Variants in LAMA2 observed in about 807,000 individuals in gnomAD.
LAMA2 encodes the protein laminin subunit alpha-2.
In LAMA2, 269 loss-of-function variants were observed where a neutral mutation model predicts 364.8. That is an observed-to-expected ratio of 0.74 (90% CI 0.67 to 0.82). LAMA2 has a LOEUF of 0.82. LAMA2 is among the 40% of genes least tolerant of loss of function. LAMA2 has a pLI of 0.00. For missense variants in LAMA2, 3,807 were observed against 3,873.2 expected, an observed-to-expected ratio of 0.98 and a Z score of 0.45; for synonymous variants, 1,379 against 1,370.6, an observed-to-expected ratio of 1.01 and a Z score of -0.14.
At chr6:129,183,151 C>T (rs778764441) in intron 10 of LAMA2, among the ~76,000 whole-genome samples, 4 of 151,914 alleles carry the variant, frequency 2.6e-5, no homozygotes, top group South Asian at 2.1e-4. Flanking sequence ...ATTTCTCTCA[C>T]GAATTACAAG....
At chr6:129,317,836 T>C (rs1219913733) in intron 27 of LAMA2, among the ~76,000 whole-genome samples, 2 of 152,270 alleles carry the variant, frequency 1.3e-5, no homozygotes, top group Admixed American at 1.3e-4. Flanking sequence ...GTCATTCATC[T>C]TTAATTATAC....
chr6:129,264,750 C>T (rs1272606147), intron 15 of LAMA2, among the ~76,000 whole-genome samples: 2 of 151,986 alleles, frequency 1.3e-5, no homozygotes, highest in Admixed American at 1.3e-4. Context: ...TCAGCTAGGC[C>T]CAAGGCTGAT....
At chr6:129,030,337 C>T (rs1376093511) in intron 1 of LAMA2, among the ~76,000 whole-genome samples, 1 of 151,980 alleles carries the variant, frequency 6.6e-6, no homozygotes, top group Non-Finnish European at 1.5e-5. Context: ...GGGTCCTTGA[C>T]TATGTTGTTC....
intron 37 of LAMA2, among the ~76,000 whole-genome samples, chr6:129,397,825 T>G (rs1779738944): frequency 6.6e-6 from 1 of 150,834 alleles, no homozygotes; most frequent in African/African-American, 2.4e-5. Flanking sequence ...CTGCAGTCCC[T>G]ACTCGGGAGG....
intron 52 of LAMA2, among the ~76,000 whole-genome samples, chr6:129,475,072 A>G (rs914313498): frequency 2.6e-5 from 4 of 152,262 alleles, no homozygotes; most frequent in African/African-American, 9.6e-5. Flanking sequence ...CATGAACACT[A>G]CAGAATAGTG....
In LAMA2 at chr6:128,977,465, G is replaced by T. The variant is rs530634224; in HGVS notation, c.113-72453G>T. ...TTTCATAGAGATGAGGTCTCACTAT[G>T]TTGCCCAGGCTGCTCTCAAACTCCT... On this transcript the variant is annotated intron_variant, in intron 1 of 64. Coordinates refer to ENST00000421865, the MANE Select transcript of LAMA2 (RefSeq NM_000426.4). Among the ~76,000 whole-genome samples the T allele has an allele frequency of 3.3e-5, 5 of 151,902 alleles. No homozygotes were observed. The South Asian group carries it at 1.0e-3, about 32-fold the overall frequency.
At chr6:128,935,943 C>G (rs1779786207) in intron 1 of LAMA2, among the ~76,000 whole-genome samples, 1 of 152,138 alleles carries the variant, frequency 6.6e-6, no homozygotes, top group Non-Finnish European at 1.5e-5. Context: ...CAAAGGAAAC[C>G]AGATGAAGGT....
intron 22 of LAMA2, among the ~76,000 whole-genome samples, chr6:129,302,936 T>C (rs1349912070): frequency 2.0e-5 from 3 of 152,160 alleles, no homozygotes; most frequent in Non-Finnish European, 4.4e-5. Context: ...TTGAGTACTT[T>C]AGCTCCTTTA....
intron 12 of LAMA2, among the ~76,000 whole-genome samples, chr6:129,215,701 T>C (rs1783384428): frequency 6.6e-6 from 1 of 152,160 alleles, no homozygotes; most frequent in Non-Finnish European, 1.5e-5. Context: ...CTTTGTCACT[T>C]TATCTATAAA....
chr6:128,940,487 C>G (rs1250669347), intron 1 of LAMA2, among the ~76,000 whole-genome samples: 3 of 152,132 alleles, frequency 2.0e-5, no homozygotes, highest in Non-Finnish European at 4.4e-5. Context: ...TTGCAGACAT[C>G]TAATAAATAT....
At chr6:129,034,211 C>G (rs770681374) in intron 1 of LAMA2, among the ~76,000 whole-genome samples, 6 of 151,944 alleles carry the variant, frequency 3.9e-5, no homozygotes, top group Non-Finnish European at 8.8e-5. Flanking sequence ...TTTTTTGTTG[C>G]TTTGGTTTTT....
chr6:129,443,818 C>A (rs1450304072), intron 44 of LAMA2, among the ~76,000 whole-genome samples: 2 of 152,106 alleles, frequency 1.3e-5, no homozygotes, highest in African/African-American at 4.8e-5. Context: ...TAATATATCA[C>A]TATTTGAAAA....
chr6:129,093,268 C>A (rs1774959011), intron 3 of LAMA2, among the ~76,000 whole-genome samples: 1 of 147,796 alleles, frequency 6.8e-6, no homozygotes, highest in Non-Finnish European at 1.5e-5. Context: ...GGATTACAGG[C>A]GTGAGCCACC....
In LAMA2 at chr6:129,297,830, A is replaced by C. The variant is rs554956654; in HGVS notation, c.3002A>C (p.His1001Pro). The change falls in exon 21 of 65, where the codon CAC (histidine) becomes CCC (proline). Residue 1001 changes from histidine to proline, a missense_variant. Around this residue, in one of 3 missense-constraint regions of LAMA2, gnomAD observed 3,333 missense variants for 3,345.7 expected, o/e 1.00. Transcript: ENST00000421865. Reference protein sequence around the residue: ...VTGKKCDRCAHGYFNFQEGGC... With the variant: ...VTGKKCDRCAPGYFNFQEGGC... Reference sequence around the variant, plus strand: ...GGGAAGAAATGTGACCGCTGTGCCCACGGCTATTTCAACTTCCAAGAAGGA... The same window carrying C: ...GGGAAGAAATGTGACCGCTGTGCCCCCGGCTATTTCAACTTCCAAGAAGGA... The C allele has an allele frequency of 1.2e-5, 19 of 1,613,856 alleles. No homozygotes were observed. Among genetic ancestry groups the C allele is most frequent in the Admixed American group, 1.7e-5 (1 of 59,954 alleles).
At position 128,908,928 on chromosome 6, in the gene LAMA2, C is replaced by G. The variant is rs1427066949; in HGVS notation, c.112+25571C>G. Reference sequence around the variant, plus strand: ...CATTCAGGAGCAGGTTGTTCAGTTTCCATGTAGTTGAGCAGTTTTGAGTGA... The same window carrying G: ...CATTCAGGAGCAGGTTGTTCAGTTTGCATGTAGTTGAGCAGTTTTGAGTGA... On this transcript the variant is annotated intron_variant, in intron 1 of 64. Transcript: ENST00000421865. Among the ~76,000 whole-genome samples, 5 of 146,368 alleles carry G rather than the reference C, an allele frequency of 3.4e-5. No individual in the cohort carries two copies. The East Asian group carries it at 9.8e-4, about 29-fold the overall frequency.
At chr6:129,475,457 C>T in intron 53 of LAMA2, 56 bp downstream of exon 53, 1 of 1,366,812 alleles carries the variant, frequency 7.3e-7, no homozygotes, top group Non-Finnish European at 1.0e-6. Flanking sequence ...GTAAATGTGG[C>T]TTCTTAGATA....
At position 128,996,247 on chromosome 6, in the gene LAMA2, G is replaced by T. The variant is rs184793801; in HGVS notation, c.113-53671G>T. Among the ~76,000 whole-genome samples the T allele has an allele frequency of 1.1e-4, 16 of 152,284 alleles. 1 individual carries two copies. In the South Asian group the frequency reaches 3.1e-3, roughly 30 times the overall value. ...AAGAGTTTGGCATGTGAAGATCGGGGAAATGAGCACATGGGGCAGAGGGAG... is the reference window on the plus strand; with the variant it reads ...AAGAGTTTGGCATGTGAAGATCGGGTAAATGAGCACATGGGGCAGAGGGAG... On this transcript the variant is annotated intron_variant, in intron 1 of 64. Transcript: ENST00000421865.
intron 37 of LAMA2, among the ~76,000 whole-genome samples, chr6:129,399,510 A>AG (rs935235635): frequency 1.3e-5 from 2 of 152,224 alleles, no homozygotes; most frequent in African/African-American, 2.4e-5. Flanking sequence ...TACTTCCTTA[A>AG]GGTTTCATAG....
At position 129,270,671 on chromosome 6, in the gene LAMA2, T is replaced by A. The variant is rs760128108; in HGVS notation, c.2370T>A (p.Pro790=). 6.2e-7 allele frequency: 1 copy of A among 1,613,124 alleles called. No individual in the cohort carries two copies. The highest frequency in any genetic ancestry group is 8.5e-7 in the Non-Finnish European group (1 of 1,179,348). The change falls in exon 17 of 65, where the codon CCT becomes CCA. Residue 790 remains proline (P), a synonymous_variant. Coordinates refer to ENST00000421865, the MANE Select transcript of LAMA2 (RefSeq NM_000426.4). ...TGGPYCDKCL[P]GFYGEPTKGT... ...GCCCATATTGTGATAAATGTCTTCC[T>A]GGTTTCTATGGCGAGCCTACTAAAG...
Sources: allele counts gnomAD v4.1 joint callset (sites outside exome capture counted in the v4.1 genomes callset), GRCh38; gene constraint gnomAD v4.1.1; regional missense constraint gnomAD v4.1.1; transcripts MANE v1.5; gene names NCBI Gene and HGNC (gene_info 2026-07-23, HGNC 2026-07-21).